Variants in MARCHF11 observed in about 807,000 individuals in gnomAD.
MARCHF11 encodes E3 ubiquitin-protein ligase MARCHF11.
Under a neutral mutation model 37.3 loss-of-function variants are expected in MARCHF11, and 29 were observed. That is an observed-to-expected ratio of 0.78 (90% CI 0.58 to 1.06). The LOEUF (loss-of-function observed/expected upper bound fraction) is 1.06, where lower values mean the gene tolerates loss of function less well. Ranked by LOEUF, MARCHF11 falls within the 50% of genes least tolerant of loss-of-function variation. The pLI is 0.00. For missense variants in MARCHF11, 482 were observed against 533.4 expected, an observed-to-expected ratio of 0.90 and a Z score of 0.95; for synonymous variants, 233 against 228.0, an observed-to-expected ratio of 1.02 and a Z score of -0.20.
chr5:16,142,091 T>C (rs916532937), intron 2 of MARCHF11, among the ~76,000 whole-genome samples: 4 of 152,232 alleles, frequency 2.6e-5, no homozygotes, highest in Non-Finnish European at 5.9e-5. Flanking sequence ...AGATTCTATC[T>C]TAGTCACACA....
chr5:16,133,707 A>T (rs1046179637), intron 2 of MARCHF11, among the ~76,000 whole-genome samples: 1 of 152,134 alleles, frequency 6.6e-6, no homozygotes, highest in South Asian at 2.1e-4. Flanking sequence ...TTTAAAACAG[A>T]GTGTCCAATC....
intron 2 of MARCHF11, among the ~76,000 whole-genome samples, chr5:16,132,057 C>T (rs555899228): frequency 1.5e-4 from 23 of 152,328 alleles, no homozygotes; most frequent in African/African-American, 5.5e-4. Context: ...GATCCAGAGC[C>T]CCATGGCAAG....
At chr5:16,150,141 G>GTGT (rs1560989498) in intron 2 of MARCHF11, among the ~76,000 whole-genome samples, 1 of 149,270 alleles carries the variant, frequency 6.7e-6, no homozygotes, top group African/African-American at 2.6e-5. Flanking sequence ...ATACAGTTTA[G>GTGT]ATTTATGCAC....
At chr5:16,091,166 T>C (rs1222971949) in intron 2 of MARCHF11, 85 bp from the exon 3 acceptor site, 2 of 1,142,710 alleles carry the variant, frequency 1.8e-6, no homozygotes, top group African/African-American at 1.6e-5. Flanking sequence ...GTGTTTCTTT[T>C]CATAATGTTA....
At chr5:16,163,689 G>T (rs1018995780) in intron 2 of MARCHF11, among the ~76,000 whole-genome samples, 1 of 151,980 alleles carries the variant, frequency 6.6e-6, no homozygotes, top group African/African-American at 2.4e-5. Context: ...AGAATAGACA[G>T]GAAGACAAAG....
intron 2 of MARCHF11, among the ~76,000 whole-genome samples, chr5:16,113,864 C>T (rs1441961700): frequency 2.0e-5 from 3 of 152,140 alleles, no homozygotes; most frequent in Admixed American, 1.3e-4. Context: ...CTATTGAACA[C>T]TAGATCTTAT....
chr5:16,100,529 T>A lies in MARCHF11; in HGVS notation c.694-9448A>T, dbSNP rs191201640. On this transcript the variant is annotated intron_variant, in intron 2 of 3. Transcript: ENST00000332432. ...ACCAGTAGAGCCCAGTGATGTGGAG[T>A]GGAGAGTGACTCTAAATGGCAGAGG... Among the ~76,000 whole-genome samples, 182 of 152,046 alleles carry A rather than the reference T, an allele frequency of 1.2e-3. 3 individuals carry two copies. The highest frequency in any genetic ancestry group is 4.3e-3 in the African/African-American group (179 of 41,458).
intron 3 of MARCHF11, 29 bp from the exon 4 acceptor site, chr5:16,067,822 A>G: frequency 6.4e-7 from 1 of 1,570,726 alleles, no homozygotes; most frequent in Non-Finnish European, 8.6e-7. Flanking sequence ...AAAAACCAAA[A>G]AGACTGGTGA....
In MARCHF11 at chr5:16,112,288, C is replaced by A. The variant is rs914658408; in HGVS notation, c.694-21207G>T. On this transcript the variant is annotated intron_variant, in intron 2 of 3. Transcript: ENST00000332432. ...AACACTCAACACCAGCCCATGACAG[C>A]AGTCAAGAGTGGGGCTATACCCTGC... 2.0e-4 allele frequency among the ~76,000 whole-genome samples: 30 copies of A among 152,200 alleles called. 1 individual carries two copies.
chr5:16,134,216 A>G (rs1162320907), intron 2 of MARCHF11, among the ~76,000 whole-genome samples: 1 of 152,112 alleles, frequency 6.6e-6, no homozygotes, highest in Admixed American at 6.6e-5. Context: ...GCCATCTCCT[A>G]TTATATATTG....
intron 2 of MARCHF11, among the ~76,000 whole-genome samples, chr5:16,175,758 C>T (rs982378572): frequency 1.3e-5 from 2 of 152,312 alleles, no homozygotes; most frequent in Non-Finnish European, 2.9e-5. Context: ...GTGCATCTGA[C>T]GTAGTCCTGG....
intron 2 of MARCHF11, among the ~76,000 whole-genome samples, chr5:16,142,886 T>C (rs1315233365): frequency 0.091 from 381 of 4,168 alleles, 2 homozygotes; most frequent in Non-Finnish European, 0.26. Flanking sequence ...ACACCTGGCT[T>C]TTTTTTTTTT....
Position 16,179,290 on chromosome 5 carries a change from C to G in MARCHF11, c.286G>C (p.Val96Leu), listed in dbSNP as rs2126614981. ...TCCCCGGAGTCGCCGGCCGCCGCCA[C>G]TTCCTGGCCGGCGGGCTGCAGGGGC... The part of the protein sequence containing the change: ...PLPLQPAGQE[V>L]AAAGDSGEGP... Residue 96 changes from valine (V) to leucine (L), a missense_variant, in exon 1 of 4, where the codon GTG (valine) becomes CTG (leucine). Physicochemically the swap from Val to Leu is conservative, Grantham distance 32. Transcript: ENST00000332432. 1 of 1,283,926 alleles carries G rather than the reference C, an allele frequency of 7.8e-7. No homozygotes were observed. The highest frequency in any genetic ancestry group is 9.8e-7 in the Non-Finnish European group (1 of 1,016,806). The allele number at this position is 1,283,926 out of a possible 1,614,324, so 79.5% of individuals were successfully genotyped here. A position where few individuals can be genotyped will look rare whatever the true frequency, so the allele number is the denominator to read the frequency against.
intron 2 of MARCHF11, among the ~76,000 whole-genome samples, chr5:16,095,591 G>A (rs1267850284): frequency 6.6e-6 from 1 of 152,098 alleles, no homozygotes; most frequent in South Asian, 2.1e-4. Flanking sequence ...CTTTGAGCAC[G>A]CTCTTTCCTC....
intron 2 of MARCHF11, among the ~76,000 whole-genome samples, chr5:16,149,018 G>A (rs1274189156): frequency 6.6e-6 from 1 of 152,128 alleles, no homozygotes; most frequent in African/African-American, 2.4e-5. Context: ...AATAGAACAG[G>A]TTTTGACTGG....
At chr5:16,143,620 C>G (rs1737753932) in intron 2 of MARCHF11, among the ~76,000 whole-genome samples, 1 of 152,262 alleles carries the variant, frequency 6.6e-6, no homozygotes, top group Non-Finnish European at 1.5e-5. Context: ...AGGCCCTGGC[C>G]TGCATTCCAA....
chr5:16,067,714 T>C lies in MARCHF11; in HGVS notation c.966A>G (p.Leu322=). The change falls in exon 4 of 4, where the codon TTA becomes TTG. Residue 322 remains leucine (L), a synonymous_variant. Transcript: ENST00000332432. The part of the protein sequence containing the change: ...WRAVNLHWDV[L]NYDKATDIEE... Reference sequence around the variant, plus strand: ...CGATGTCTGTGGCTTTGTCATAATTTAACACATCCCAGTGCAAATTCACAG... The same window carrying C: ...CGATGTCTGTGGCTTTGTCATAATTCAACACATCCCAGTGCAAATTCACAG... 1.2e-6 allele frequency: 2 copies of C among 1,613,892 alleles called. No homozygotes were observed. Among genetic ancestry groups the C allele is most frequent in the Non-Finnish European group, 1.7e-6 (2 of 1,179,848 alleles).
intron 3 of MARCHF11, among the ~76,000 whole-genome samples, chr5:16,084,319 A>G (rs1386970174): frequency 6.6e-6 from 1 of 152,170 alleles, no homozygotes; most frequent in South Asian, 2.1e-4. Flanking sequence ...GGACAAACAG[A>G]TTTTTTAAAA....
At chr5:16,101,641 C>G (rs943601683) in intron 2 of MARCHF11, among the ~76,000 whole-genome samples, 2 of 152,098 alleles carry the variant, frequency 1.3e-5, no homozygotes, top group Non-Finnish European at 2.9e-5. Context: ...ATACAGACTC[C>G]CCAGGGGAGC....
Sources: gnomAD v4.1 joint callset for allele counts (sites outside exome capture counted in the v4.1 genomes callset) on GRCh38, gnomAD v4.1.1 for gene constraint, MANE v1.5 for transcripts, NCBI Gene and HGNC (gene_info 2026-07-23, HGNC 2026-07-21) for gene names.